The following MAL variants were observed in gnomAD, a reference collection of about 807,000 sequenced individuals.
MAL encodes mal, T cell differentiation protein (MAL blood group).
In MAL, 5 loss-of-function variants were observed where a neutral mutation model predicts 16.7. That is an observed-to-expected ratio of 0.30 (90% CI 0.16 to 0.63). The LOEUF (loss-of-function observed/expected upper bound fraction) is 0.63, where lower values mean the gene tolerates loss of function less well. Among genes scored for constraint, MAL ranks in the 30% least tolerant of loss-of-function variants. The pLI is 0.82. For synonymous variants in MAL, 96 were observed against 85.5 expected (o/e 1.12, Z -0.67); for missense variants, 202 against 195.8 (o/e 1.03, Z -0.19).
intron 3 of MAL, among the ~76,000 whole-genome samples, chr2:95,050,498 G>C (rs1674692941): frequency 6.6e-6 from 1 of 152,222 alleles, no homozygotes; most frequent in Non-Finnish European, 1.5e-5. Context: ...GACAGATCCT[G>C]AGATACCAGC....
At chr2:95,038,601 TGGG>T (rs1674328802) in intron 1 of MAL, among the ~76,000 whole-genome samples, 1 of 148,810 alleles carries the variant, frequency 6.7e-6, no homozygotes, top group African/African-American at 2.5e-5. Context: ...AGTGACTGAG[TGGG>T]TGAGTGACTG....
chr2:95,032,591 T>C (rs1674110584), intron 1 of MAL, among the ~76,000 whole-genome samples: 1 of 152,188 alleles, frequency 6.6e-6, no homozygotes, highest in Non-Finnish European at 1.5e-5. Context: ...CCCCTTGTCC[T>C]TGAAGCAGGA....
rs1275845201 is a variant in MAL, at chr2:95,025,800, C to T, written c.8C>T (p.Pro3Leu). 3.9e-6 allele frequency: 6 copies of T among 1,554,334 alleles called. No individual in the cohort carries two copies. In the African/African-American group the frequency reaches 8.3e-5, roughly 22 times the overall value. Residue 3 changes from proline (P) to leucine (L), a missense_variant, in exon 1 of 4, where the codon CCC becomes CTC. By Grantham distance (98) the Pro-to-Leu change is moderately conservative. Transcript: ENST00000309988. This position sits in a 1 kb window ranked among gnomAD's most constrained non-coding sequence, Gnocchi z 5.6. MA[P>L]AAATGGSTLP... The stretch of plus-strand genomic sequence containing the variant: ...CGACGCCAGCACGCCGTCATGGCCC[C>T]CGCAGCGGCGACGGGGGGCAGCACC...
At chr2:95,038,824 GTGAGTGAGCAAGTGAGTGAA>G in intron 1 of MAL, among the ~76,000 whole-genome samples, 1 of 151,560 alleles carries the variant, frequency 6.6e-6, no homozygotes, top group Non-Finnish European at 1.5e-5. Flanking sequence ...GACTGAGTGA[GTGAGTGAGCAAGTGAGTGAA>G]TGACCGAGTG....
intron 1 of MAL, among the ~76,000 whole-genome samples, chr2:95,038,528 C>CTGAGTGAG (rs1218502445): frequency 1.6e-5 from 1 of 61,700 alleles, no homozygotes; most frequent in Non-Finnish European, 3.5e-5. Flanking sequence ...GAGTGAGTGA[C>CTGAGTGAG]TGAGTGAGTG....
At chr2:95,038,262 G>C (rs1201652902) in intron 1 of MAL, among the ~76,000 whole-genome samples, 1 of 151,072 alleles carries the variant, frequency 6.6e-6, no homozygotes, top group Admixed American at 6.6e-5. Flanking sequence ...CTGACTGAGT[G>C]AGTGAGAGAC....
chr2:95,037,265 G>A (rs1001518289), intron 1 of MAL, among the ~76,000 whole-genome samples: 6 of 150,332 alleles, frequency 4.0e-5, no homozygotes, highest in African/African-American at 1.5e-4. Flanking sequence ...GAGTGACTGA[G>A]TGGGTGAGTG....
intron 1 of MAL, among the ~76,000 whole-genome samples, chr2:95,030,681 G>A (rs765620544): frequency 1.3e-5 from 2 of 152,236 alleles, no homozygotes; most frequent in Non-Finnish European, 2.9e-5. Flanking sequence ...AGGCAGGGTT[G>A]TGAGTGAGGG....
At chr2:95,039,634 CTGAG>C (rs1209621802) in intron 1 of MAL, among the ~76,000 whole-genome samples, 6 of 138,520 alleles carry the variant, frequency 4.3e-5, no homozygotes, top group South Asian at 2.4e-4. Flanking sequence ...GAGTGAGTGA[CTGAG>C]TGAGTGACTG....
chr2:95,035,146 G>A (rs996815249), intron 1 of MAL, among the ~76,000 whole-genome samples: 3 of 152,186 alleles, frequency 2.0e-5, no homozygotes, highest in South Asian at 2.1e-4. Flanking sequence ...CCCAGACCCT[G>A]GGCGGGCAGC....
intron 1 of MAL, among the ~76,000 whole-genome samples, chr2:95,038,827 A>G (rs893364077): frequency 2.6e-5 from 4 of 151,328 alleles, no homozygotes; most frequent in African/African-American, 7.3e-5. Context: ...TGAGTGAGTG[A>G]GTGAGCAAGT....
In MAL at chr2:95,025,893, G is replaced by A; in HGVS notation, c.93+8G>A. On this transcript the variant is annotated splice_region_variant and intron_variant, in intron 1 of 3. Transcript: ENST00000309988. The surrounding 1 kb of genome is among the most constrained non-coding windows in gnomAD (Gnocchi z 5.6). ...CTCTTCATCTTTGAGTTTGTGAGTG[G>A]CTCCTGGCCGGGGAAGGGACGGGGT... 6.4e-7 allele frequency: 1 copy of A among 1,550,660 alleles called. No individual in the cohort carries two copies. The highest frequency in any genetic ancestry group is 1.9e-5 in the Admixed American group (1 of 51,546).
At chr2:95,037,828 GTGAGTGAC>G (rs1331908699) in intron 1 of MAL, among the ~76,000 whole-genome samples, 4 of 151,812 alleles carry the variant, frequency 2.6e-5, no homozygotes, top group East Asian at 1.9e-4. Context: ...GACTCAGTGA[GTGAGTGAC>G]TGAGTGACTG....
Position 95,049,438 on chromosome 2 carries a change from G to T in MAL, c.262-143G>T. On this transcript the variant is annotated intron_variant, in intron 2 of 3. Transcript: ENST00000309988. ...GACTCAGCACAGCAGGGCAGGCATG[G>T]GACCTCCGTGACAAGGTTGGGAGGG... The T allele has an allele frequency of 4.7e-6, 5 of 1,062,794 alleles. No homozygotes were observed. The South Asian group carries it at 7.8e-5, about 17-fold the overall frequency. 65.8% of individuals were successfully genotyped at this position (1,062,794 alleles called of 1,614,324 possible). A position where few individuals can be genotyped will look rare whatever the true frequency, so the allele number is the denominator to read the frequency against.
intron 1 of MAL, among the ~76,000 whole-genome samples, chr2:95,037,708 C>T (rs1477606061): frequency 1.7e-5 from 2 of 120,704 alleles, no homozygotes; most frequent in African/African-American, 3.2e-5. Context: ...GAGTGAGTGA[C>T]TGAGTGAGTG....
chr2:95,040,032 G>A (rs993705954), intron 1 of MAL, among the ~76,000 whole-genome samples: 9 of 151,988 alleles, frequency 5.9e-5, no homozygotes, highest in African/African-American at 9.7e-5. Context: ...CCTGGTGCTC[G>A]GTGCCCTCTT....
At chr2:95,052,126 G>A (rs577941138) in intron 3 of MAL, among the ~76,000 whole-genome samples, 1 of 152,354 alleles carries the variant, frequency 6.6e-6, no homozygotes, top group African/African-American at 2.4e-5. Context: ...GTCGCCTGGG[G>A]CGAGATGGAA....
intron 1 of MAL, among the ~76,000 whole-genome samples, chr2:95,027,984 C>T (rs1345282840): frequency 3.3e-5 from 5 of 152,042 alleles, no homozygotes; most frequent in Non-Finnish European, 7.4e-5. Context: ...AGATGCTTAA[C>T]ATCATCAGGC....
At position 95,025,870 on chromosome 2, in the gene MAL, C is replaced by T; in HGVS notation, c.78C>T (p.Leu26=). Residue 26 remains leucine (L), a synonymous_variant, in exon 1 of 4, where the codon CTC becomes CTT. Transcript: ENST00000309988. This position sits in a 1 kb window ranked among gnomAD's most constrained non-coding sequence, Gnocchi z 5.6. ...FSVFTTLPDL[L]FIFEFIFGGL... ...TCTTCACCACCTTGCCCGACTTGCT[C>T]TTCATCTTTGAGTTTGTGAGTGGCT... 1 of 1,571,722 alleles carries T rather than the reference C, an allele frequency of 6.4e-7. No homozygotes were observed. Among genetic ancestry groups the T allele is most frequent in the African/African-American group, 1.4e-5 (1 of 73,330 alleles).
Sources: allele counts gnomAD v4.1 joint callset (sites outside exome capture counted in the v4.1 genomes callset), GRCh38; gene constraint gnomAD v4.1.1; non-coding constraint Gnocchi (gnomAD v3.1); transcripts MANE v1.5; gene names NCBI Gene and HGNC (gene_info 2026-07-23, HGNC 2026-07-21).